CAMK2B: variants seen among roughly 807,000 people sequenced by gnomAD.
CAMK2B encodes the protein calcium/calmodulin dependent protein kinase II beta.
CAMK2B carries 27 observed loss-of-function variants against 93.7 expected under a neutral mutation model. The ratio of observed to expected loss-of-function variants is 0.29; its 90% CI spans 0.21 to 0.40. The LOEUF is 0.40. Ranked by LOEUF, CAMK2B falls within the 10% of genes least tolerant of loss-of-function variation. CAMK2B has a pLI of 1.00. For synonymous variants in CAMK2B, 374 were observed against 358.8 expected (o/e 1.04, Z -0.48); for missense variants, 568 against 895.8 (o/e 0.63, Z 4.67).
At chr7:44,239,371 A>C (rs558186386) in intron 13 of CAMK2B, among the ~76,000 whole-genome samples, 14 of 152,328 alleles carry the variant, frequency 9.2e-5, no homozygotes, top group Admixed American at 9.1e-4. Flanking sequence ...CACCTAGCCC[A>C]GCCCCTCCTC....
At chr7:44,313,157 A>C (rs1584907735) in intron 1 of CAMK2B, among the ~76,000 whole-genome samples, 1 of 151,514 alleles carries the variant, frequency 6.6e-6, no homozygotes, top group African/African-American at 2.4e-5. Flanking sequence ...GCCTCCACCC[A>C]CCTCCCGCTG....
At chr7:44,268,491 A>G (rs908214670) in intron 2 of CAMK2B, 11 of 152,278 alleles carry the variant, frequency 7.2e-5, no homozygotes, top group African/African-American at 1.2e-4. Flanking sequence ...GCCTTCTCCA[A>G]AACACTGAGA....
intron 19 of CAMK2B, among the ~76,000 whole-genome samples, chr7:44,227,766 A>AAG (rs1562805647): frequency 1.2e-4 from 1 of 8,434 alleles, no homozygotes; most frequent in African/African-American, 1.7e-3. Flanking sequence ...TGGGGGACAG[A>AAG]GGGAGAGTCT....
At chr7:44,277,183 G>C (rs999878705) in intron 2 of CAMK2B, among the ~76,000 whole-genome samples, 2 of 152,180 alleles carry the variant, frequency 1.3e-5, no homozygotes, top group African/African-American at 4.8e-5. Flanking sequence ...GGGGGGTTGG[G>C]GTAGGGGGTA....
intron 1 of CAMK2B, among the ~76,000 whole-genome samples, chr7:44,306,901 ACG>A (rs1791808751): frequency 1.8e-5 from 2 of 110,730 alleles, no homozygotes; most frequent in Non-Finnish European, 3.6e-5. Flanking sequence ...GAGCAGGAAG[ACG>A]GTGTGAGCAG....
chr7:44,259,318 G>T, intron 3 of CAMK2B: 1 of 207,880 alleles, frequency 4.8e-6, no homozygotes, highest in Non-Finnish European at 1.0e-5. Flanking sequence ...CCAAACCCCA[G>T]AAAGGAGCTG....
At chr7:44,303,833 A>G (rs571055715) in intron 1 of CAMK2B, among the ~76,000 whole-genome samples, 121 of 152,326 alleles carry the variant, frequency 7.9e-4, no homozygotes, top group South Asian at 2.3e-3. Flanking sequence ...CTTGGAGAAA[A>G]TATCTACAAA....
chr7:44,264,604 T>A (rs1014656782), intron 2 of CAMK2B, among the ~76,000 whole-genome samples: 8 of 152,078 alleles, frequency 5.3e-5, no homozygotes, highest in African/African-American at 1.4e-4. Context: ...TCAGACCCCA[T>A]CCCGCTGTTT....
intron 6 of CAMK2B, among the ~76,000 whole-genome samples, chr7:44,245,775 C>A (rs1271927878): frequency 1.3e-5 from 2 of 152,132 alleles, no homozygotes; most frequent in African/African-American, 2.4e-5. Flanking sequence ...CCCAGAGCAG[C>A]ACAAAGATCA....
intron 20 of CAMK2B, among the ~76,000 whole-genome samples, chr7:44,226,288 C>T (rs979943780): frequency 4.5e-4 from 68 of 152,334 alleles, no homozygotes; most frequent in Middle Eastern, 3.4e-3. Context: ...CTTTCGGACG[C>T]TCTTCCTATA....
chr7:44,262,965 G>C (rs775184655), intron 3 of CAMK2B, 40 bp downstream of exon 3: 89 of 1,573,678 alleles, frequency 5.7e-5, no homozygotes, highest in Non-Finnish European at 7.8e-5. Flanking sequence ...TCCGGGAGAA[G>C]GTGGGGACCC....
At chr7:44,282,099 C>T (rs758863668) in intron 2 of CAMK2B, among the ~76,000 whole-genome samples, 1 of 152,216 alleles carries the variant, frequency 6.6e-6, no homozygotes, top group Non-Finnish European at 1.5e-5. Context: ...GGTACGCTCA[C>T]GCACACATAG....
chr7:44,281,981 C>G (rs991513179), intron 2 of CAMK2B, among the ~76,000 whole-genome samples: 1 of 152,346 alleles, frequency 6.6e-6, no homozygotes, highest in African/African-American at 2.4e-5. Flanking sequence ...GGGCTGGTCC[C>G]AGCCTAACTG....
At chr7:44,309,802 C>T (rs545278186) in intron 1 of CAMK2B, among the ~76,000 whole-genome samples, 1 of 152,262 alleles carries the variant, frequency 6.6e-6, no homozygotes, top group South Asian at 2.1e-4. Flanking sequence ...AGAGAGATTC[C>T]GACGCCAGCA....
At chr7:44,229,004 G>C (rs773219593) in intron 18 of CAMK2B, 80 bp from the exon 19 acceptor site, 1 of 1,375,034 alleles carries the variant, frequency 7.3e-7, no homozygotes, top group South Asian at 1.2e-5. Context: ...GCCAGTGGGA[G>C]GGGTCCCGTG....
Position 44,309,871 on chromosome 7 carries a change from C to T in CAMK2B, c.65+15486G>A, listed in dbSNP as rs566955817. Among the ~76,000 whole-genome samples, 269 of 152,362 alleles carry T rather than the reference C, an allele frequency of 1.8e-3. 1 individual carries two copies. Among genetic ancestry groups the T allele is most frequent in the African/African-American group, 5.3e-3 (220 of 41,582 alleles). On this transcript the variant is annotated intron_variant, in intron 1 of 23. Coordinates refer to ENST00000395749, the MANE Select transcript of CAMK2B (RefSeq NM_001220.5). ...GCCTTGCAGCGACCTTCAAAGGCGG[C>T]GCTTAAGAGCCGGTCACGCCCCTCC...
chr7:44,290,969 G>T (rs1162303894), intron 1 of CAMK2B, among the ~76,000 whole-genome samples: 2 of 152,144 alleles, frequency 1.3e-5, no homozygotes, highest in African/African-American at 2.4e-5. Flanking sequence ...CGGTCAGTAG[G>T]GCCCATTGAT....
chr7:44,222,467 A>C (rs2096420849), intron 20 of CAMK2B, among the ~76,000 whole-genome samples: 1 of 149,752 alleles, frequency 6.7e-6, no homozygotes, highest in Admixed American at 6.7e-5. Context: ...ATGGAGTCTC[A>C]CTCTGTCACC....
intron 1 of CAMK2B, among the ~76,000 whole-genome samples, chr7:44,302,476 T>G (rs527795696): frequency 2.9e-4 from 44 of 152,156 alleles, no homozygotes; most frequent in Middle Eastern, 6.8e-3. Flanking sequence ...GACCAAAATC[T>G]CACATGAACA....
Sources: allele counts gnomAD v4.1 joint callset (sites outside exome capture counted in the v4.1 genomes callset), GRCh38; gene constraint gnomAD v4.1.1; transcripts MANE v1.5; gene names NCBI Gene and HGNC (gene_info 2026-07-23, HGNC 2026-07-21).